RBM17: variants seen among roughly 807,000 people sequenced by gnomAD.
RBM17 encodes splicing factor 45.
In RBM17, 7 loss-of-function variants were observed where a neutral mutation model predicts 53.2. The ratio of observed to expected loss-of-function variants is 0.13; its 90% CI spans 0.07 to 0.25. RBM17 has a LOEUF of 0.25. Ranked by LOEUF, RBM17 falls within the 10% of genes least tolerant of loss-of-function variation. The pLI is 1.00. For synonymous variants in RBM17, 167 were observed against 178.1 expected (o/e 0.94, Z 0.50); for missense variants, 257 against 496.7 (o/e 0.52, Z 4.59).
intron 5 of RBM17, 53 bp from the exon 6 acceptor site, chr10:6,108,633 T>A (rs1256362802): frequency 2.1e-6 from 3 of 1,443,548 alleles, no homozygotes; most frequent in African/African-American, 2.8e-5. Context: ...CATAGTCGTT[T>A]GGGAGTCTGG....
intron 1 of RBM17, among the ~76,000 whole-genome samples, chr10:6,095,459 C>T (rs2132939166): frequency 6.6e-6 from 1 of 152,246 alleles, no homozygotes; most frequent in Admixed American, 6.5e-5. Context: ...AGTGATCCGC[C>T]CACCTATGCC....
At chr10:6,113,834 G>T in intron 9 of RBM17, 1 of 585,324 alleles carries the variant, frequency 1.7e-6, no homozygotes, top group South Asian at 2.2e-5. Flanking sequence ...ATACATTTTG[G>T]TGCTTGCATA....
intron 1 of RBM17, among the ~76,000 whole-genome samples, chr10:6,090,185 T>C (rs902306622): frequency 6.6e-6 from 1 of 152,214 alleles, no homozygotes; most frequent in African/African-American, 2.4e-5. Flanking sequence ...AGGGTCCTTA[T>C]TTTGCTAGAG....
rs41295123 is a variant in RBM17 at position 6,091,476 on chromosome 10, G to A, written c.-19+2283G>A. Among the ~76,000 whole-genome samples, 1,217 of 152,270 alleles carry A rather than the reference G, an allele frequency of 8.0e-3. 9 individuals are homozygous for A. Among genetic ancestry groups the A allele is most frequent in the Middle Eastern group, 0.024 (7 of 294 alleles). On this transcript the variant is annotated intron_variant, in intron 1 of 11. Transcript: ENST00000379888. ...TGCCTCTTTAGGTGCTCAGAACTCA[G>A]ACCTTGACTCGTTATTGGTTGTGTG...
In RBM17 at chr10:6,108,002, A is replaced by G. The variant is rs75373703; in HGVS notation, c.506-684A>G. Among the ~76,000 whole-genome samples, 469 of 152,298 alleles carry G rather than the reference A, an allele frequency of 3.1e-3. 2 individuals are homozygous for G. The highest frequency in any genetic ancestry group is 0.011 in the African/African-American group (456 of 41,556). On this transcript the variant is annotated intron_variant, in intron 5 of 11. Transcript: ENST00000379888. ...GTTCTCCTTCCAGTTGTCGGATACC[A>G]GATAAAAAGATCTGTCTTATCTCTT...
Position 6,115,900 on chromosome 10 carries a change from A to C in RBM17, c.*344A>C, listed in dbSNP as rs1029473873. The C allele has an allele frequency of 3.0e-5, 5 of 168,224 alleles. No individual in the cohort carries two copies. The highest frequency in any genetic ancestry group is 1.2e-4 in the African/African-American group (5 of 41,164). The allele number at this position is 168,224 out of a possible 1,614,324, so 10.4% of individuals were successfully genotyped here. On this transcript the variant is annotated 3_prime_UTR_variant, in exon 12 of 12. Coordinates refer to ENST00000379888, the MANE Select transcript of RBM17 (RefSeq NM_032905.5). ...AAAAAAAAAAAAAAAAAAAACTAGA[A>C]AGTTTTGGGACATGGGGTTATATTA...
intron 1 of RBM17, among the ~76,000 whole-genome samples, chr10:6,091,391 C>T (rs1486669570): frequency 6.6e-6 from 1 of 151,960 alleles, no homozygotes; most frequent in Non-Finnish European, 1.5e-5. Context: ...AAGAGGCATG[C>T]TTTGTTTTAT....
In RBM17 at chr10:6,110,060, G is replaced by C; in HGVS notation, c.637G>C (p.Val213Leu). 6 of 1,612,486 alleles carry C rather than the reference G, an allele frequency of 3.7e-6. No homozygotes were observed. The highest frequency in any genetic ancestry group is 5.1e-6 in the Non-Finnish European group (6 of 1,179,040). Residue 213 changes from valine to leucine, a missense_variant, in exon 7 of 12, where the codon GTG becomes CTG. By Grantham distance (32) the Val-to-Leu change is conservative. Transcript: ENST00000379888. ...QSSKAAIPPP[V>L]YEEQDRPRSP... ...TTCCAAAGCAGCCATTCCTCCCCCA[G>C]TGTACGAGGAACAAGACAGACCGAG...
At chr10:6,091,183 T>A (rs1840479485) in intron 1 of RBM17, among the ~76,000 whole-genome samples, 1 of 151,732 alleles carries the variant, frequency 6.6e-6, no homozygotes, top group South Asian at 2.1e-4. Context: ...CTCAACCTCC[T>A]GAGTAGCTGG....
intron 5 of RBM17, among the ~76,000 whole-genome samples, chr10:6,107,479 C>CGTTTTTTTTTTTTTTTT: frequency 1.8e-5 from 1 of 56,598 alleles, no homozygotes; most frequent in African/African-American, 6.6e-5. Flanking sequence ...CACCCGGCCT[C>CGTTTTTTTTTTTTTTTT]TTTTTTTTTT....
chr10:6,113,471 A>G (rs1040296399), intron 8 of RBM17, 37 bp from the exon 9 acceptor site: 2 of 1,392,986 alleles, frequency 1.4e-6, no homozygotes, highest in African/African-American at 1.4e-5. Context: ...TATGCTGCTC[A>G]GTTCTGTAAC....
chr10:6,099,606 A>T (rs954527299), intron 2 of RBM17, among the ~76,000 whole-genome samples: 1 of 152,134 alleles, frequency 6.6e-6, no homozygotes, highest in African/African-American at 2.4e-5. Context: ...CACAATGTAA[A>T]TGCTGTGTAA....
intron 1 of RBM17, among the ~76,000 whole-genome samples, chr10:6,091,940 G>A (rs1422685507): frequency 6.6e-6 from 1 of 152,150 alleles, no homozygotes; most frequent in Non-Finnish European, 1.5e-5. Flanking sequence ...CTTCTGAGAA[G>A]ACTCTTCCAT....
At chr10:6,111,969 C>G (rs1338873294) in intron 7 of RBM17, among the ~76,000 whole-genome samples, 2 of 152,180 alleles carry the variant, frequency 1.3e-5, no homozygotes, top group Non-Finnish European at 2.9e-5. Context: ...GAGAAACTGA[C>G]ATTTCCCCTC....
chr10:6,093,795 G>GA (rs1029593572), intron 1 of RBM17, among the ~76,000 whole-genome samples: 2 of 152,126 alleles, frequency 1.3e-5, no homozygotes, highest in African/African-American at 2.4e-5. Context: ...TACATAATGA[G>GA]ATACCTTGAG....
intron 1 of RBM17, among the ~76,000 whole-genome samples, chr10:6,095,186 T>C (rs1840554048): frequency 6.6e-6 from 1 of 152,148 alleles, no homozygotes; most frequent in Admixed American, 6.5e-5. Context: ...GAGGAGAGTC[T>C]GTCTGCATCC....
chr10:6,113,805 C>T (rs1215286108), intron 9 of RBM17: 2 of 582,190 alleles, frequency 3.4e-6, no homozygotes, highest in Non-Finnish European at 3.0e-6. Context: ...TTTGAAATTG[C>T]TAGAGCTTCA....
chr10:6,115,513 A>G lies in RBM17; in HGVS notation c.1163A>G (p.Asn388Ser), dbSNP rs1015437090. 1 of 1,613,920 alleles carries G rather than the reference A, an allele frequency of 6.2e-7. No homozygotes were observed. Among genetic ancestry groups the G allele is most frequent in the Non-Finnish European group, 8.5e-7 (1 of 1,179,874 alleles). ...GGRVVKACFY[N>S]LDKFRVLDLA... ...CGGGTGGTAAAAGCATGTTTCTACAATTTGGACAAATTCAGGGTCTTGGAT... is the reference window on the plus strand; with the variant it reads ...CGGGTGGTAAAAGCATGTTTCTACAGTTTGGACAAATTCAGGGTCTTGGAT... Residue 388 changes from asparagine to serine, a missense_variant, in exon 12 of 12, where the codon AAT (asparagine) becomes AGT (serine). Around this residue, in one of 6 missense-constraint regions of RBM17, gnomAD observed 8 missense variants for 19.2 expected, o/e 0.42. Transcript: ENST00000379888.
At chr10:6,101,487 C>T (rs2132944905) in intron 3 of RBM17, 100 bp downstream of exon 3, 1 of 536,502 alleles carries the variant, frequency 1.9e-6, no homozygotes. Context: ...CTTGGTGGGC[C>T]TTTGAAACCA....
Sources: gnomAD v4.1 joint callset for allele counts (sites outside exome capture counted in the v4.1 genomes callset) on GRCh38, gnomAD v4.1.1 for gene constraint, gnomAD v4.1.1 regional missense constraint, MANE v1.5 for transcripts, NCBI Gene and HGNC (gene_info 2026-07-23, HGNC 2026-07-21) for gene names.